The following CRB1 variants were observed in gnomAD, a reference collection of about 807,000 sequenced individuals.
The protein encoded by CRB1 is crumbs cell polarity complex component 1.
Under a neutral mutation model 120.0 loss-of-function variants are expected in CRB1, and 83 were observed. The observed-to-expected ratio is 0.69, with a 90% confidence interval of 0.58 to 0.83. The LOEUF (loss-of-function observed/expected upper bound fraction) is 0.83, where lower values mean the gene tolerates loss of function less well. Among genes scored for constraint, CRB1 ranks in the 40% least tolerant of loss-of-function variants. The probability of loss-of-function intolerance (pLI) is 0.00; values close to 1 mark genes in which losing one functional copy is unlikely to be tolerated. For missense variants in CRB1, 1,699 were observed against 1,687.6 expected (o/e 1.01, Z -0.12); for synonymous variants, 625 against 612.5 (o/e 1.02, Z -0.30).
At chr1:197,243,640 G>T in the CRB1 span, among the ~76,000 whole-genome samples, 2 of 152,108 alleles carry the variant, frequency 1.3e-5, no homozygotes, top group South Asian at 4.1e-4. Flanking sequence ...TGGGAAAAAT[G>T]TATATTTTAT....
intron 4 of CRB1, among the ~76,000 whole-genome samples, chr1:197,354,762 G>A (rs1000862517): frequency 1.4e-4 from 17 of 122,014 alleles, no homozygotes; most frequent in Admixed American, 5.7e-4. Context: ...CATGACCTCA[G>A]CACGTTGCCA....
chr1:197,467,162 A>G (rs1355953520), intron 11 of CRB1, among the ~76,000 whole-genome samples: 1 of 152,204 alleles, frequency 6.6e-6, no homozygotes, highest in Non-Finnish European at 1.5e-5. Flanking sequence ...TCCTTATAAA[A>G]ATTGTTTGTT....
At chr1:197,459,385 C>T (rs557876300) in intron 11 of CRB1, among the ~76,000 whole-genome samples, 1 of 152,068 alleles carries the variant, frequency 6.6e-6, no homozygotes, top group South Asian at 2.1e-4. Context: ...GACTGGGTAA[C>T]TTTTAAACAA....
At chr1:197,463,948 G>C (rs1288585452) in intron 11 of CRB1, among the ~76,000 whole-genome samples, 2 of 152,140 alleles carry the variant, frequency 1.3e-5, no homozygotes, top group Non-Finnish European at 2.9e-5. Flanking sequence ...ACTAGTAAAA[G>C]AACCCTAACA....
the CRB1 span, among the ~76,000 whole-genome samples, chr1:197,230,813 T>C: frequency 2.0e-5 from 3 of 152,188 alleles, no homozygotes; most frequent in African/African-American, 7.2e-5. Context: ...GAGCATGCAC[T>C]CTAGTATCAG....
intron 5 of CRB1, among the ~76,000 whole-genome samples, chr1:197,393,351 T>G (rs189239115): frequency 1.3e-5 from 2 of 152,018 alleles, no homozygotes; most frequent in Non-Finnish European, 2.9e-5. Flanking sequence ...TACTATATAG[T>G]AGATGGAAAA....
intron 2 of CRB1, among the ~76,000 whole-genome samples, chr1:197,342,386 G>A (rs142735381): frequency 7.2e-4 from 109 of 152,258 alleles, no homozygotes; most frequent in African/African-American, 2.5e-3. Flanking sequence ...GAATGTGTCT[G>A]TCATTGCTCT....
chr1:197,388,260 C>G lies in CRB1; in HGVS notation c.1171+31247C>G, dbSNP rs549784077. ...TGAGCTACTTTAAGTTTCTTAGGATCAAATAAATGGCAAAAGCACATTTTA... is the reference window on the plus strand; with the variant it reads ...TGAGCTACTTTAAGTTTCTTAGGATGAAATAAATGGCAAAAGCACATTTTA... On this transcript the variant is annotated intron_variant, in intron 5 of 11. Transcript: ENST00000367400. 3.3e-5 allele frequency among the ~76,000 whole-genome samples: 5 copies of G among 151,982 alleles called. No individual in the cohort carries two copies. The South Asian group carries it at 6.2e-4, about 19-fold the overall frequency.
intron 5 of CRB1, among the ~76,000 whole-genome samples, chr1:197,415,236 C>T (rs1249651717): frequency 6.6e-6 from 1 of 152,178 alleles, no homozygotes; most frequent in Non-Finnish European, 1.5e-5. Flanking sequence ...TTATTTCAAG[C>T]TCTAATAAGC....
chr1:197,356,716 C>A, intron 4 of CRB1, 115 bp from the exon 5 acceptor site: 5 of 982,656 alleles, frequency 5.1e-6, no homozygotes, highest in South Asian at 2.8e-5. Context: ...TCCTTGAGGG[C>A]AGGCACATCA....
intron 1 of CRB1, among the ~76,000 whole-genome samples, chr1:197,296,525 G>A (rs1036029249): frequency 6.6e-6 from 1 of 151,932 alleles, no homozygotes; most frequent in Non-Finnish European, 1.5e-5. Flanking sequence ...TGTATCTCCA[G>A]GTAAGAAGAG....
chr1:197,413,665 T>G (rs931904242), intron 5 of CRB1, among the ~76,000 whole-genome samples: 1 of 152,228 alleles, frequency 6.6e-6, no homozygotes, highest in African/African-American at 2.4e-5. Context: ...ATCATAACAT[T>G]CACTAGTGTG....
chr1:197,300,281 A>G (rs981453982), intron 1 of CRB1, among the ~76,000 whole-genome samples: 1 of 151,970 alleles, frequency 6.6e-6, no homozygotes, highest in East Asian at 1.9e-4. Context: ...ATAGGCTGAA[A>G]CTAATCCTGT....
At chr1:197,311,185 G>A (rs1017300537) in intron 1 of CRB1, among the ~76,000 whole-genome samples, 1 of 152,188 alleles carries the variant, frequency 6.6e-6, no homozygotes, top group Admixed American at 6.5e-5. Flanking sequence ...ATATACATAT[G>A]CAATGGGATA....
rs191294188 is a variant in CRB1, at chr1:197,449,593, C to G, written c.4005+7301C>G. 4.6e-4 allele frequency among the ~76,000 whole-genome samples: 70 copies of G among 152,260 alleles called. No individual in the cohort carries two copies. The East Asian group carries it at 0.01, about 22-fold the overall frequency. On this transcript the variant is annotated intron_variant, in intron 11 of 11. Coordinates refer to ENST00000367400, the MANE Select transcript of CRB1 (RefSeq NM_201253.3). Reference sequence around the variant, plus strand: ...GTGTTAGCCAGGATGGTCTCGATCTCCTGACCTCGTGATCCGCCCGCCTCG... The same window carrying G: ...GTGTTAGCCAGGATGGTCTCGATCTGCTGACCTCGTGATCCGCCCGCCTCG...
chr1:197,395,178 A>G (rs1160897347), intron 5 of CRB1, among the ~76,000 whole-genome samples: 1 of 152,160 alleles, frequency 6.6e-6, no homozygotes, highest in African/African-American at 2.4e-5. Context: ...CAGAAAAACT[A>G]AAAGAAATTA....
At chr1:197,264,763 A>G (rs1654594697), upstream of CRB1, among the ~76,000 whole-genome samples, 1 of 151,812 alleles carries the variant, frequency 6.6e-6, no homozygotes, top group Admixed American at 6.6e-5. Context: ...CTAGGATTAC[A>G]GGTGGCTGCC....
At chr1:197,308,681 G>C (rs916040003) in intron 1 of CRB1, among the ~76,000 whole-genome samples, 2 of 151,800 alleles carry the variant, frequency 1.3e-5, no homozygotes, top group African/African-American at 2.4e-5. Flanking sequence ...TTAGTTGTAT[G>C]ATGAGGATTA....
chr1:197,428,960 T>C (rs1180504106), intron 7 of CRB1: 1 of 1,530,416 alleles, frequency 6.5e-7, no homozygotes, highest in Non-Finnish European at 8.7e-7. Flanking sequence ...AATAATACTA[T>C]GTCTCTGATT....
Sources: gnomAD v4.1 joint callset for allele counts (sites outside exome capture counted in the v4.1 genomes callset) on GRCh38, gnomAD v4.1.1 for gene constraint, MANE v1.5 for transcripts, NCBI Gene and HGNC (gene_info 2026-07-23, HGNC 2026-07-21) for gene names.